The following NTM variants were observed in gnomAD, a reference collection of about 807,000 sequenced individuals.
NTM encodes the protein neurotrimin, also known as IgLON family member 2.
Under a neutral mutation model 42.1 loss-of-function variants are expected in NTM, and 13 were observed. The ratio of observed to expected loss-of-function variants is 0.31; its 90% CI spans 0.20 to 0.49. The LOEUF is 0.49. Among genes scored for constraint, NTM ranks in the 20% least tolerant of loss-of-function variants. The probability of loss-of-function intolerance (pLI) is 0.99; values close to 1 mark genes in which losing one functional copy is unlikely to be tolerated. For synonymous variants in NTM, 187 were observed against 179.2 expected (o/e 1.04, Z -0.35); for missense variants, 373 against 452.8 (o/e 0.82, Z 1.60).
At chr11:131,382,933 C>T (rs1942866872) in intron 1 of NTM, among the ~76,000 whole-genome samples, 1 of 151,926 alleles carries the variant, frequency 6.6e-6, no homozygotes, top group African/African-American at 2.4e-5. Flanking sequence ...TTGGATATGC[C>T]ACATCCTTGG....
chr11:132,099,599 C>T (rs1005576978), intron 2 of NTM, among the ~76,000 whole-genome samples: 1 of 152,106 alleles, frequency 6.6e-6, no homozygotes, highest in Non-Finnish European at 1.5e-5. Flanking sequence ...TGTTCTTAAA[C>T]CCAGGTCTAT....
At chr11:131,674,128 CG>C (rs1234948292) in intron 1 of NTM, among the ~76,000 whole-genome samples, 1 of 152,220 alleles carries the variant, frequency 6.6e-6, no homozygotes, top group African/African-American at 2.4e-5. Flanking sequence ...GGTCCTAGCA[CG>C]GGGTGCGGGC....
In NTM at chr11:131,882,862, G is replaced by C. The variant is rs574302413; in HGVS notation, c.83-28702G>C. 8.4e-4 allele frequency among the ~76,000 whole-genome samples: 128 copies of C among 152,150 alleles called. 1 individual carries two copies. Among genetic ancestry groups the C allele is most frequent in the Non-Finnish European group, 1.5e-3 (101 of 68,020 alleles). Reference sequence around the variant, plus strand: ...AATGAGCAATTGATAAAAGGTAGGAGTTTCTACTTCACTGTTTTTTTTTCT... The same window carrying C: ...AATGAGCAATTGATAAAAGGTAGGACTTTCTACTTCACTGTTTTTTTTTCT... On this transcript the variant is annotated intron_variant, in intron 1 of 8. Transcript: ENST00000683400.
chr11:131,533,256 G>T (rs1348137221), intron 1 of NTM, among the ~76,000 whole-genome samples: 2 of 152,188 alleles, frequency 1.3e-5, no homozygotes, highest in Non-Finnish European at 2.9e-5. Context: ...ATCATACTTT[G>T]TGAAAGCCAT....
intron 2 of NTM, among the ~76,000 whole-genome samples, chr11:131,915,456 T>A (rs1381739405): frequency 6.6e-6 from 1 of 152,220 alleles, no homozygotes; most frequent in African/African-American, 2.4e-5. Context: ...AGATGCTTAC[T>A]CAAACAAAAT....
intron 1 of NTM, among the ~76,000 whole-genome samples, chr11:131,457,745 A>C (rs1951029170): frequency 6.6e-6 from 1 of 151,902 alleles, no homozygotes; most frequent in African/African-American, 2.4e-5. Context: ...TATGTGTTAA[A>C]ATTTTAACTC....
At chr11:132,178,805 T>C (rs2077166697) in intron 3 of NTM, among the ~76,000 whole-genome samples, 1 of 152,146 alleles carries the variant, frequency 6.6e-6, no homozygotes, top group Non-Finnish European at 1.5e-5. Flanking sequence ...ATATAGGTTA[T>C]GTAAGAGAGG....
chr11:132,037,467 T>C (rs1043175589), intron 2 of NTM, among the ~76,000 whole-genome samples: 10 of 152,108 alleles, frequency 6.6e-5, no homozygotes, highest in Non-Finnish European at 1.2e-4. Flanking sequence ...TGGACAATAG[T>C]CAAATAGGCC....
chr11:131,702,999 T>A (rs907916180), intron 1 of NTM, among the ~76,000 whole-genome samples: 1 of 152,180 alleles, frequency 6.6e-6, no homozygotes, highest in African/African-American at 2.4e-5. Flanking sequence ...AAGAGGATAG[T>A]CATAATTGTT....
At chr11:132,284,688 C>T in intron 4 of NTM, 1 of 152,776 alleles carries the variant, frequency 6.5e-6, no homozygotes, top group East Asian at 1.9e-4. Flanking sequence ...TAAATCAGCC[C>T]ATAACAACTG....
At chr11:131,995,409 G>A (rs2067815509) in intron 2 of NTM, among the ~76,000 whole-genome samples, 1 of 152,116 alleles carries the variant, frequency 6.6e-6, no homozygotes, top group African/African-American at 2.4e-5. Flanking sequence ...GACCTGGAGG[G>A]ATGGAACTGT....
chr11:131,953,894 G>C (rs796273628), intron 2 of NTM, among the ~76,000 whole-genome samples: 2 of 152,210 alleles, frequency 1.3e-5, no homozygotes, highest in Non-Finnish European at 2.9e-5. Context: ...GACCTTTAAC[G>C]TGAATCTGAT....
intron 1 of NTM, among the ~76,000 whole-genome samples, chr11:131,839,833 A>G (rs1193177915): frequency 6.6e-6 from 1 of 152,248 alleles, no homozygotes; most frequent in African/African-American, 2.4e-5. Flanking sequence ...GGCCCAGGCC[A>G]GGGTGGTAGC....
chr11:131,553,442 A>C (rs952671843), intron 1 of NTM, among the ~76,000 whole-genome samples: 28 of 152,168 alleles, frequency 1.8e-4, no homozygotes, highest in African/African-American at 6.5e-4. Context: ...CCTGGCCTGC[A>C]TGTCTGTTCC....
At chr11:131,404,934 G>T (rs1034735083) in intron 1 of NTM, among the ~76,000 whole-genome samples, 10 of 152,104 alleles carry the variant, frequency 6.6e-5, no homozygotes, top group Admixed American at 5.9e-4. Flanking sequence ...GGAACAGCAG[G>T]GTGTAAATTT....
intron 1 of NTM, among the ~76,000 whole-genome samples, chr11:131,785,786 G>A (rs1169546978): frequency 6.6e-6 from 1 of 152,226 alleles, no homozygotes; most frequent in East Asian, 1.9e-4. Flanking sequence ...TACAATGCAA[G>A]TAGGACTAGG....
intron 4 of NTM, among the ~76,000 whole-genome samples, chr11:132,228,342 A>G (rs1386056469): frequency 6.6e-6 from 1 of 152,172 alleles, no homozygotes; most frequent in African/African-American, 2.4e-5. Context: ...TTAGGTTTCA[A>G]TAATGTTAGG....
At chr11:132,177,306 A>T (rs2076968682) in intron 3 of NTM, among the ~76,000 whole-genome samples, 1 of 152,222 alleles carries the variant, frequency 6.6e-6, no homozygotes, top group African/African-American at 2.4e-5. Flanking sequence ...CCACGGACAG[A>T]AACTCTTTTT....
intron 1 of NTM, among the ~76,000 whole-genome samples, chr11:131,392,940 G>A (rs1944189749): frequency 6.6e-6 from 1 of 152,148 alleles, no homozygotes; most frequent in Non-Finnish European, 1.5e-5. Flanking sequence ...CTTTAATGTA[G>A]AGGTAAGTGA....
Sources: gnomAD v4.1 joint callset for allele counts (sites outside exome capture counted in the v4.1 genomes callset) on GRCh38, gnomAD v4.1.1 for gene constraint, MANE v1.5 for transcripts, NCBI Gene and HGNC (gene_info 2026-07-23, HGNC 2026-07-21) for gene names.